GRIP1: variants seen among roughly 807,000 people sequenced by gnomAD.
The protein encoded by GRIP1 is glutamate receptor-interacting protein 1.
A neutral mutation model predicts 129.9 loss-of-function variants in GRIP1; 45 were observed. That is an observed-to-expected ratio of 0.35 (90% confidence interval 0.27 to 0.44). GRIP1 has a LOEUF of 0.44. GRIP1 is among the 20% of genes least tolerant of loss of function. The pLI is 1.00. For missense variants in GRIP1, 1,196 were observed against 1,396.8 expected, an observed-to-expected ratio of 0.86 and a Z score of 2.29; for synonymous variants, 530 against 520.8, an observed-to-expected ratio of 1.02 and a Z score of -0.24.
intron 1 of GRIP1, among the ~76,000 whole-genome samples, chr12:66,771,738 G>GA (rs1057260396): frequency 2.0e-4 from 31 of 152,170 alleles, no homozygotes; most frequent in African/African-American, 7.2e-4. Flanking sequence ...TAGAAAGAAA[G>GA]AAAGTTCTTT....
At chr12:66,933,030 G>T (rs1229554986) in intron 1 of GRIP1, among the ~76,000 whole-genome samples, 2 of 152,164 alleles carry the variant, frequency 1.3e-5, no homozygotes, top group Admixed American at 6.5e-5. Context: ...TATAGGTAAC[G>T]AGTTCCATTT....
rs574062091 is a variant in GRIP1, at chr12:66,631,814, C to T, written c.56-34887G>A. On this transcript the variant is annotated intron_variant, in intron 1 of 24. Transcript: ENST00000359742. ...GATTGTCACAAGGTGAGTATTTTAA[C>T]GTGACAGAACTAGAGCAGAACATGT... is the stretch of plus-strand genomic sequence containing the variant. Among the ~76,000 whole-genome samples, 36 of 152,302 alleles carry T rather than the reference C, an allele frequency of 2.4e-4. 1 individual carries two copies. In the East Asian group the frequency reaches 3.5e-3, roughly 15 times the overall value.
intron 1 of GRIP1, among the ~76,000 whole-genome samples, chr12:67,030,762 A>G (rs943544035): frequency 6.6e-6 from 1 of 152,206 alleles, no homozygotes; most frequent in African/African-American, 2.4e-5. Context: ...TTTACCAAAA[A>G]CATTCTCTTT....
intron 4 of GRIP1, among the ~76,000 whole-genome samples, chr12:66,538,218 T>A (rs4453316): frequency 0.24 from 35,331 of 144,446 alleles, 4,588 homozygotes; most frequent in South Asian, 0.34. Context: ...TTTTTTTTTT[T>A]AAACAGGGTT....
intron 1 of GRIP1, among the ~76,000 whole-genome samples, chr12:66,741,034 A>G (rs1421711717): frequency 2.0e-5 from 3 of 152,198 alleles, no homozygotes; most frequent in African/African-American, 7.2e-5. Flanking sequence ...GCTCCTTGAA[A>G]CGGGCTTGGT....
chr12:66,864,015 T>C (rs544151527), intron 1 of GRIP1, among the ~76,000 whole-genome samples: 1 of 152,176 alleles, frequency 6.6e-6, no homozygotes, highest in South Asian at 2.1e-4. Flanking sequence ...TCAACTGGCA[T>C]GCCCTTCCCT....
intron 1 of GRIP1, among the ~76,000 whole-genome samples, chr12:66,847,790 T>C (rs556424319): frequency 1.2e-4 from 18 of 152,296 alleles, no homozygotes; most frequent in Admixed American, 2.6e-4. Context: ...CAAGACCCAA[T>C]GGTGGCTGGG....
chr12:67,018,383 T>C (rs2042819039), intron 1 of GRIP1, among the ~76,000 whole-genome samples: 1 of 152,182 alleles, frequency 6.6e-6, no homozygotes, highest in African/African-American at 2.4e-5. Context: ...CTCTCGCACA[T>C]GCACCTTTAG....
chr12:66,835,319 C>T (rs1219715950), intron 1 of GRIP1, among the ~76,000 whole-genome samples: 5 of 152,048 alleles, frequency 3.3e-5, no homozygotes, highest in African/African-American at 1.2e-4. Flanking sequence ...CATAGCAATC[C>T]CAGTCATTAG....
chr12:66,698,940 T>C (rs1372748660), intron 1 of GRIP1, among the ~76,000 whole-genome samples: 1 of 152,190 alleles, frequency 6.6e-6, no homozygotes, highest in East Asian at 1.9e-4. Flanking sequence ...CTTGCAGCGT[T>C]GTTGGGAGGC....
intron 1 of GRIP1, among the ~76,000 whole-genome samples, chr12:67,024,204 C>T (rs947892835): frequency 6.6e-6 from 1 of 152,128 alleles, no homozygotes; most frequent in Non-Finnish European, 1.5e-5. Context: ...TTCTATGACT[C>T]TTGAGAAAGA....
intron 1 of GRIP1, among the ~76,000 whole-genome samples, chr12:66,772,766 T>C (rs1413376004): frequency 6.6e-6 from 1 of 152,118 alleles, no homozygotes; most frequent in East Asian, 1.9e-4. Flanking sequence ...GAGCACAAAG[T>C]AGCTCAGCTC....
At chr12:66,666,764 CA>C (rs2033819011) in intron 1 of GRIP1, among the ~76,000 whole-genome samples, 1 of 151,922 alleles carries the variant, frequency 6.6e-6, no homozygotes, top group African/African-American at 2.4e-5. Flanking sequence ...TTTCTAAGAG[CA>C]TGTGTTGGAT....
chr12:66,425,168 A>G (rs1044040378), intron 14 of GRIP1, among the ~76,000 whole-genome samples: 1 of 152,064 alleles, frequency 6.6e-6, no homozygotes, highest in African/African-American at 2.4e-5. Flanking sequence ...TAGGCTGGCA[A>G]TCCTTCTTTT....
chr12:66,841,401 CAACTTTCTATAA>C (rs1175153940), intron 1 of GRIP1, among the ~76,000 whole-genome samples: 1 of 152,102 alleles, frequency 6.6e-6, no homozygotes, highest in Non-Finnish European at 1.5e-5. Context: ...AGGCTAGAAG[CAACTTTCTATAA>C]AAAGAGAGAG....
upstream of GRIP1, among the ~76,000 whole-genome samples, chr12:66,806,196 A>G (rs2038989699): frequency 6.6e-6 from 1 of 152,126 alleles, no homozygotes; most frequent in Admixed American, 6.5e-5. Context: ...GATGAGCAAA[A>G]AAAGGTTCAA....
chr12:66,635,262 A>T (rs927939471), intron 1 of GRIP1, among the ~76,000 whole-genome samples: 2 of 151,866 alleles, frequency 1.3e-5, no homozygotes, highest in African/African-American at 4.8e-5. Context: ...TATTAAAAAA[A>T]ATAAAAATTA....
intron 24 of GRIP1, among the ~76,000 whole-genome samples, chr12:66,350,981 G>A (rs187286281): frequency 6.6e-6 from 1 of 152,304 alleles, no homozygotes; most frequent in Non-Finnish European, 1.5e-5. Flanking sequence ...TGAGAGTAGA[G>A]CTAGCTCTAT....
intron 2 of GRIP1, among the ~76,000 whole-genome samples, chr12:66,571,639 A>C (rs1305943792): frequency 6.6e-6 from 1 of 152,154 alleles, no homozygotes; most frequent in Non-Finnish European, 1.5e-5. Flanking sequence ...AGAATATCTC[A>C]CAAAGCCCAG....
Sources: allele counts gnomAD v4.1 joint callset (sites outside exome capture counted in the v4.1 genomes callset), GRCh38; gene constraint gnomAD v4.1.1; transcripts MANE v1.5; gene names NCBI Gene and HGNC (gene_info 2026-07-23, HGNC 2026-07-21).